Variants in SGCD observed in about 807,000 individuals in gnomAD.
SGCD encodes sarcoglycan delta.
SGCD carries 18 observed loss-of-function variants against 36.6 expected under a neutral mutation model. The observed-to-expected ratio is 0.49, with a 90% CI of 0.34 to 0.73. SGCD has a LOEUF of 0.73. SGCD is among the 30% of genes least tolerant of loss of function. The probability of loss-of-function intolerance (pLI) is 0.01; values close to 1 mark genes in which losing one functional copy is unlikely to be tolerated. For missense variants in SGCD, 387 were observed against 346.7 expected (o/e 1.12, Z -0.92); for synonymous variants, 133 against 130.6 (o/e 1.02, Z -0.12).
the SGCD span, among the ~76,000 whole-genome samples, chr5:155,833,965 G>A: frequency 6.6e-6 from 1 of 152,220 alleles, no homozygotes; most frequent in African/African-American, 2.4e-5. Context: ...GTTGTGGAAG[G>A]ACATCAGTCT....
intron 3 of SGCD, among the ~76,000 whole-genome samples, chr5:156,159,395 T>A (rs1360563771): frequency 6.6e-6 from 1 of 151,500 alleles, no homozygotes; most frequent in East Asian, 1.9e-4. Flanking sequence ...GAAATTAGAG[T>A]TAAGCAAATG....
chr5:156,633,100 G>C (rs1032424826), intron 6 of SGCD, among the ~76,000 whole-genome samples: 2 of 152,136 alleles, frequency 1.3e-5, no homozygotes, highest in Admixed American at 1.3e-4. Flanking sequence ...TTTTCTCATG[G>C]AGATTACACC....
At chr5:156,548,142 A>G (rs1339384692) in intron 4 of SGCD, among the ~76,000 whole-genome samples, 2 of 152,218 alleles carry the variant, frequency 1.3e-5, no homozygotes, top group African/African-American at 4.8e-5. Context: ...TTTCTCTCCC[A>G]GAAACCACCA....
chr5:156,525,450 G>T (rs77672158), intron 4 of SGCD, among the ~76,000 whole-genome samples: 2,235 of 151,978 alleles, frequency 0.015, 47 homozygotes, highest in African/African-American at 0.051. Flanking sequence ...AGTTGCATGA[G>T]TTCTTTATAT....
At chr5:155,994,331 C>T (rs1452233657) in intron 1 of SGCD, among the ~76,000 whole-genome samples, 5 of 152,158 alleles carry the variant, frequency 3.3e-5, no homozygotes, top group Non-Finnish European at 7.3e-5. Context: ...TAAATGAGGT[C>T]TTACATGGAA....
chr5:156,498,758 C>T lies in SGCD; in HGVS notation c.193-9843C>T, dbSNP rs145713343. Among the ~76,000 whole-genome samples, 518 of 152,178 alleles carry T rather than the reference C, an allele frequency of 3.4e-3. 2 individuals are homozygous for T. Among genetic ancestry groups the T allele is most frequent in the Non-Finnish European group, 3.2e-3 (221 of 68,000 alleles). On this transcript the variant is annotated intron_variant, in intron 3 of 8. Transcript: ENST00000337851. ...ATGTATAAGTGTTTGTGTGAACATA[C>T]GTTTTTATTTATATTGGGCAGAGAG...
At chr5:155,949,021 G>T (rs1757500007) in intron 1 of SGCD, among the ~76,000 whole-genome samples, 1 of 152,124 alleles carries the variant, frequency 6.6e-6, no homozygotes, top group South Asian at 2.1e-4. Context: ...CTAAAGAAAT[G>T]CATACCACAG....
At chr5:155,753,292 G>T in the SGCD span, among the ~76,000 whole-genome samples, 1 of 148,194 alleles carries the variant, frequency 6.7e-6, no homozygotes, top group Non-Finnish European at 1.5e-5. Flanking sequence ...AGCCGAGATC[G>T]CACCACTGCA....
chr5:156,174,199 A>G (rs569779466), intron 3 of SGCD, among the ~76,000 whole-genome samples: 2 of 152,342 alleles, frequency 1.3e-5, no homozygotes, highest in South Asian at 4.1e-4. Flanking sequence ...GAAAAATAAA[A>G]TAAGGTACTT....
chr5:156,156,850 T>C (rs1762976672), intron 3 of SGCD, among the ~76,000 whole-genome samples: 1 of 151,550 alleles, frequency 6.6e-6, no homozygotes, highest in South Asian at 2.1e-4. Context: ...GTAAGAACTC[T>C]TGATTTTCAC....
At chr5:156,329,498 C>T in intron 1 of SGCD, 36 bp from the exon 2 acceptor site, 1 of 1,462,346 alleles carries the variant, frequency 6.8e-7, no homozygotes, top group Admixed American at 1.7e-5. Context: ...GCAGGCTCTT[C>T]AGACCTTATT....
chr5:156,007,717 C>A (rs1758783780), intron 1 of SGCD, among the ~76,000 whole-genome samples: 1 of 152,154 alleles, frequency 6.6e-6, no homozygotes, highest in African/African-American at 2.4e-5. Flanking sequence ...AGCTAGCATG[C>A]TAGTAAACCC....
chr5:156,669,468 G>T (rs1398413344), intron 7 of SGCD, among the ~76,000 whole-genome samples: 5 of 152,134 alleles, frequency 3.3e-5, no homozygotes, highest in African/African-American at 7.2e-5. Context: ...TCACAGAGAG[G>T]TTGACAAAAT....
the SGCD span, among the ~76,000 whole-genome samples, chr5:155,843,810 C>T: frequency 1.3e-5 from 2 of 152,194 alleles, no homozygotes; most frequent in Non-Finnish European, 2.9e-5. Context: ...CTTGAACCCC[C>T]AGTGGCTGCC....
chr5:155,827,672 C>CTTTTTTT, the SGCD span, among the ~76,000 whole-genome samples: 1 of 64,448 alleles, frequency 1.6e-5, no homozygotes, highest in Non-Finnish European at 2.7e-5. Flanking sequence ...CTAAATAATT[C>CTTTTTTT]TTTTTTTTTT....
chr5:156,438,364 C>T (rs547422236), intron 3 of SGCD, among the ~76,000 whole-genome samples: 3 of 152,190 alleles, frequency 2.0e-5, no homozygotes, highest in Admixed American at 1.3e-4. Flanking sequence ...ACTTTGGCTC[C>T]GTTTTCTGTG....
At chr5:156,321,448 T>C (rs1767666097) in intron 3 of SGCD, among the ~76,000 whole-genome samples, 1 of 151,978 alleles carries the variant, frequency 6.6e-6, no homozygotes, top group Non-Finnish European at 1.5e-5. Flanking sequence ...AATAAATAAA[T>C]AAACAAATAA....
At chr5:156,324,894 C>A (rs929406417), upstream of SGCD, among the ~76,000 whole-genome samples, 9 of 152,168 alleles carry the variant, frequency 5.9e-5, no homozygotes, top group Non-Finnish European at 1.3e-4. Context: ...CAGCTATTTT[C>A]TCTGAAAGAT....
chr5:156,349,860 G>A (rs1470694726), intron 3 of SGCD, among the ~76,000 whole-genome samples: 1 of 151,966 alleles, frequency 6.6e-6, no homozygotes, highest in East Asian at 1.9e-4. Flanking sequence ...CCATGAACAG[G>A]TGAGTGGATA....
Sources: gnomAD v4.1 joint callset for allele counts (sites outside exome capture counted in the v4.1 genomes callset) on GRCh38, gnomAD v4.1.1 for gene constraint, MANE v1.5 for transcripts, NCBI Gene and HGNC (gene_info 2026-07-23, HGNC 2026-07-21) for gene names.